The following COG5 variants were observed in gnomAD, a reference collection of about 807,000 sequenced individuals.
The protein encoded by COG5 is conserved oligomeric Golgi complex subunit 5.
A neutral mutation model predicts 110.4 loss-of-function variants in COG5; 86 were observed. The ratio of observed to expected loss-of-function variants is 0.78; its 90% CI spans 0.65 to 0.93. COG5 has a LOEUF of 0.93. Ranked by LOEUF, COG5 falls within the 40% of genes least tolerant of loss-of-function variation. The pLI, the probability that COG5 is intolerant of heterozygous loss-of-function variation, is 0.00. For synonymous variants in COG5, 360 were observed against 334.6 expected, an observed-to-expected ratio of 1.08 and a Z score of -0.83; for missense variants, 1,077 against 987.0, an observed-to-expected ratio of 1.09 and a Z score of -1.22.
chr7:107,236,635 C>T lies in COG5; in HGVS notation c.1906G>A (p.Glu636Lys), dbSNP rs771961452. 3.1e-6 allele frequency: 5 copies of T among 1,614,058 alleles called. No homozygotes were observed. Reference sequence around the variant, plus strand: ...ACTCTGGCAATGAAACCTTGTAGCTCCTTCATGTACAGAGAACAAGGAACA... The same window carrying T: ...ACTCTGGCAATGAAACCTTGTAGCTTCTTCATGTACAGAGAACAAGGAACA... ...PDVPCSLYMKELQGFIARVMS... is the reference protein window; with the variant it reads ...PDVPCSLYMKKLQGFIARVMS... The change falls in exon 18 of 22, where the codon GAG (glutamate) becomes AAG (lysine). Residue 636 changes from glutamate (E) to lysine (K), a missense_variant. Physicochemically the swap from Glu to Lys is moderately conservative, Grantham distance 56 (BLOSUM62 1). Transcript: ENST00000297135.
chr7:107,208,525 A>C, intron 21 of COG5: 1 of 985,428 alleles, frequency 1.0e-6, no homozygotes, highest in Non-Finnish European at 1.2e-6. Context: ...AGTGTGTTGC[A>C]GCTGAGTGAA....
intron 7 of COG5, among the ~76,000 whole-genome samples, chr7:107,404,768 A>G (rs892952130): frequency 6.6e-6 from 1 of 151,800 alleles, no homozygotes; most frequent in Non-Finnish European, 1.5e-5. Flanking sequence ...AGGTGGTGTG[A>G]GAGGACTCTC....
intron 6 of COG5, among the ~76,000 whole-genome samples, chr7:107,514,329 T>TACACACACACACACAC (rs61351697): frequency 6.9e-6 from 1 of 145,638 alleles, no homozygotes; most frequent in Non-Finnish European, 1.5e-5. Flanking sequence ...TGGCCTATTT[T>TACACACACACACACAC]ACACACACAC....
At position 107,258,259 on chromosome 7, in the gene COG5, A is replaced by C. The variant is rs763776849; in HGVS notation, c.1686+14T>G. On this transcript the variant is annotated intron_variant, in intron 15 of 21. Transcript: ENST00000297135. Reference sequence around the variant, plus strand: ...TTTAAAATTAAGTAAAAAAAAACTTAATAAAATAGTTACCTTTGTTACTGA... The same window carrying C: ...TTTAAAATTAAGTAAAAAAAAACTTCATAAAATAGTTACCTTTGTTACTGA... 1 of 1,500,660 alleles carries C rather than the reference A, an allele frequency of 6.7e-7. No homozygotes were observed. Among genetic ancestry groups the C allele is most frequent in the Non-Finnish European group, 9.3e-7 (1 of 1,078,104 alleles). 93.0% of individuals were successfully genotyped at this position (1,500,660 alleles called of 1,614,324 possible). A position where few individuals can be genotyped will look rare whatever the true frequency, so the allele number is the denominator to read the frequency against.
At chr7:107,488,688 A>G (rs1797801375) in intron 6 of COG5, among the ~76,000 whole-genome samples, 1 of 151,976 alleles carries the variant, frequency 6.6e-6, no homozygotes, top group Non-Finnish European at 1.5e-5. Flanking sequence ...CTCCACAAAA[A>G]ATACAAAAAT....
At chr7:107,362,470 AATAT>A in intron 8 of COG5, 50 bp from the exon 9 acceptor site, 1 of 994,522 alleles carries the variant, frequency 1.0e-6, no homozygotes, top group Non-Finnish European at 1.6e-6. Flanking sequence ...TCCAAAGGCA[AATAT>A]ATATATATAT....
At position 107,548,138 on chromosome 7, in the gene COG5, G is replaced by A. The variant is rs575783486; in HGVS notation, c.390C>T (p.Ala130=). The change falls in exon 5 of 22, where the codon GCC becomes GCT. Residue 130 remains alanine, a synonymous_variant. Coordinates refer to ENST00000297135, the MANE Select transcript of COG5 (RefSeq NM_006348.5). ...GAAGTCTTGCTAGTTGTGCAGTCCG[G>A]GCAACTATCTTATTGTATGGTTCAA... The part of the protein sequence containing the change: ...KIVEPYNKIV[A]RTAQLARLQV... 24 of 1,613,736 alleles carry A rather than the reference G, an allele frequency of 1.5e-5. No individual in the cohort carries two copies. In the South Asian group the frequency reaches 2.6e-4, roughly 18 times the overall value.
intron 5 of COG5, among the ~76,000 whole-genome samples, chr7:107,543,551 G>T (rs987468118): frequency 6.6e-6 from 1 of 152,144 alleles, no homozygotes; most frequent in Non-Finnish European, 1.5e-5. Flanking sequence ...TCAGGCTCCA[G>T]GCCCAACCCA....
rs114154920 is a variant in COG5 at position 107,398,446 on chromosome 7, C to G, written c.669+14056G>C. Among the ~76,000 whole-genome samples the G allele has an allele frequency of 5.3e-3, 809 of 152,258 alleles. 9 individuals carry two copies. Among genetic ancestry groups the G allele is most frequent in the African/African-American group, 0.019 (787 of 41,550 alleles). ...CTCCTGTCAGATCAGCAGCAGCGTT[C>G]GATTCTCATAGGAGTGCGAACCCTA... On this transcript the variant is annotated intron_variant, in intron 7 of 21. Coordinates refer to ENST00000297135, the MANE Select transcript of COG5 (RefSeq NM_006348.5).
At chr7:107,225,804 A>T (rs1368328063) in intron 19 of COG5, among the ~76,000 whole-genome samples, 2 of 152,210 alleles carry the variant, frequency 1.3e-5, no homozygotes, top group Non-Finnish European at 2.9e-5. Flanking sequence ...ACACTTTGGG[A>T]GGCCGAGGCA....
At chr7:107,257,866 G>A in intron 15 of COG5, among the ~76,000 whole-genome samples, 1 of 152,098 alleles carries the variant, frequency 6.6e-6, no homozygotes, top group East Asian at 1.9e-4. Flanking sequence ...ACTTTTTAAT[G>A]CAAAGATATT....
At chr7:107,545,012 G>C (rs149502888) in intron 5 of COG5, among the ~76,000 whole-genome samples, 14 of 152,202 alleles carry the variant, frequency 9.2e-5, no homozygotes, top group African/African-American at 3.4e-4. Flanking sequence ...ATTCCAAAGA[G>C]AGCTTCAACA....
chr7:107,535,038 T>A lies in COG5; in HGVS notation c.418-7681A>T, dbSNP rs145805610. The stretch of plus-strand genomic sequence containing the variant: ...ATTCTCTCAAAACCGCACAACTATA[T>A]AGAAACTGAACAACCTGATCCTGAA... On this transcript the variant is annotated intron_variant, in intron 5 of 21. Transcript: ENST00000297135. Among the ~76,000 whole-genome samples, 561 of 151,630 alleles carry A rather than the reference T, an allele frequency of 3.7e-3. 28 individuals carry two copies. The highest frequency in any genetic ancestry group is 0.013 in the African/African-American group (538 of 40,954).
chr7:107,226,360 G>A (rs1285785039), intron 19 of COG5, among the ~76,000 whole-genome samples: 2 of 152,168 alleles, frequency 1.3e-5, no homozygotes, highest in Admixed American at 1.3e-4. Flanking sequence ...TGGAAGAAGT[G>A]CACATATTAA....
chr7:107,357,507 T>C (rs77970344), intron 10 of COG5, among the ~76,000 whole-genome samples: 4,321 of 152,294 alleles, frequency 0.028, 189 homozygotes, highest in African/African-American at 0.098. Flanking sequence ...TATTCTTAAA[T>C]AGCGTGAGAA....
At chr7:107,258,602 T>C (rs1803072530) in intron 14 of COG5, 4 of 580,806 alleles carry the variant, frequency 6.9e-6, no homozygotes, top group African/African-American at 1.9e-5. Flanking sequence ...GAAAACACCA[T>C]GGATGTGGAA....
chr7:107,521,411 T>C (rs542241133), intron 6 of COG5, among the ~76,000 whole-genome samples: 1 of 152,300 alleles, frequency 6.6e-6, no homozygotes, highest in East Asian at 1.9e-4. Context: ...AAATGTCTAA[T>C]ATCCAGCATC....
At chr7:107,494,464 C>T (rs1798149874) in intron 6 of COG5, among the ~76,000 whole-genome samples, 1 of 152,132 alleles carries the variant, frequency 6.6e-6, no homozygotes, top group Non-Finnish European at 1.5e-5. Flanking sequence ...GCCACAGTGA[C>T]CTTAGCATAA....
intron 19 of COG5, among the ~76,000 whole-genome samples, chr7:107,224,599 G>A (rs1366236120): frequency 3.3e-5 from 5 of 152,224 alleles, no homozygotes; most frequent in African/African-American, 7.2e-5. Context: ...CTGAGCTGGT[G>A]AAGAGCATTT....
Sources: allele counts gnomAD v4.1 joint callset (sites outside exome capture counted in the v4.1 genomes callset), GRCh38; gene constraint gnomAD v4.1.1; transcripts MANE v1.5; gene names NCBI Gene and HGNC (gene_info 2026-07-23, HGNC 2026-07-21).